The following FRMD4A variants were observed in gnomAD, a reference collection of about 807,000 sequenced individuals.
FRMD4A encodes FERM domain-containing protein 4A.
In FRMD4A, 29 loss-of-function variants were observed where a neutral mutation model predicts 129.1. That is an observed-to-expected ratio of 0.22 (90% CI 0.17 to 0.31). The LOEUF is 0.31. Ranked by LOEUF, FRMD4A falls within the 10% of genes least tolerant of loss-of-function variation. The pLI is 1.00. For missense variants in FRMD4A, 1,272 were observed against 1,375.8 expected (o/e 0.92, Z 1.19); for synonymous variants, 634 against 571.6 (o/e 1.11, Z -1.56).
At chr10:14,019,754 C>A (rs964091225) in intron 2 of FRMD4A, among the ~76,000 whole-genome samples, 13 of 152,218 alleles carry the variant, frequency 8.5e-5, no homozygotes, top group African/African-American at 3.1e-4. Flanking sequence ...AGAACGTGCC[C>A]ATGCAATGTC....
intron 6 of FRMD4A, among the ~76,000 whole-genome samples, chr10:13,771,129 C>A (rs1302702503): frequency 6.6e-6 from 1 of 152,134 alleles, no homozygotes; most frequent in Non-Finnish European, 1.5e-5. Context: ...GGCTGGAATG[C>A]CCCAGTGTCA....
At chr10:14,267,305 A>G (rs1487216755) in intron 2 of FRMD4A, among the ~76,000 whole-genome samples, 1 of 152,224 alleles carries the variant, frequency 6.6e-6, no homozygotes, top group African/African-American at 2.4e-5. Context: ...AAGAGAAGAA[A>G]TAAGGAAAAA....
chr10:14,194,627 A>G (rs551701201), intron 2 of FRMD4A, among the ~76,000 whole-genome samples: 63 of 152,230 alleles, frequency 4.1e-4, no homozygotes, highest in Non-Finnish European at 7.5e-4. Flanking sequence ...AACAACAACA[A>G]CAAAAAACCA....
intron 4 of FRMD4A, 36 bp from the exon 5 acceptor site, chr10:13,796,624 C>T: frequency 1.7e-6 from 2 of 1,170,132 alleles, no homozygotes; most frequent in East Asian, 2.3e-5. Context: ...TAGGGGTTTG[C>T]ATTTTGCAGA....
intron 15 of FRMD4A, among the ~76,000 whole-genome samples, chr10:13,689,776 T>C (rs1400822684): frequency 6.6e-6 from 1 of 151,986 alleles, no homozygotes; most frequent in East Asian, 1.9e-4. Context: ...TTGCCAAGGC[T>C]GGTCTGGAAC....
At chr10:14,001,985 C>T (rs796191529) in intron 2 of FRMD4A, among the ~76,000 whole-genome samples, 19 of 152,186 alleles carry the variant, frequency 1.2e-4, no homozygotes, top group African/African-American at 4.6e-4. Context: ...TGTTGTATTC[C>T]GAATTCTTAA....
At chr10:13,674,123 G>C (rs1027294941) in intron 16 of FRMD4A, among the ~76,000 whole-genome samples, 1 of 152,102 alleles carries the variant, frequency 6.6e-6, no homozygotes, top group Non-Finnish European at 1.5e-5. Context: ...AAATGAAAAA[G>C]CTAAACACCA....
intron 2 of FRMD4A, among the ~76,000 whole-genome samples, chr10:14,311,043 C>T (rs1361814176): frequency 6.6e-6 from 1 of 152,158 alleles, no homozygotes; most frequent in African/African-American, 2.4e-5. Context: ...TGAGAGCTTA[C>T]TAGATTGTTT....
chr10:13,921,644 C>T (rs570279428), intron 2 of FRMD4A, among the ~76,000 whole-genome samples: 28 of 152,274 alleles, frequency 1.8e-4, no homozygotes, highest in South Asian at 1.7e-3. Flanking sequence ...AAAGGCTCCA[C>T]CTCCTAATAT....
chr10:13,871,354 C>T (rs188409156), intron 2 of FRMD4A, among the ~76,000 whole-genome samples: 18 of 152,240 alleles, frequency 1.2e-4, no homozygotes, highest in Admixed American at 1.1e-3. Context: ...ACCGGACCAG[C>T]GGCCTCTGAC....
At chr10:13,951,233 G>A (rs1319999115) in intron 2 of FRMD4A, among the ~76,000 whole-genome samples, 1 of 152,148 alleles carries the variant, frequency 6.6e-6, no homozygotes, top group East Asian at 1.9e-4. Flanking sequence ...CAGGAGCAGA[G>A]GTCAAGGTTA....
intron 2 of FRMD4A, among the ~76,000 whole-genome samples, chr10:14,006,586 G>T (rs570244965): frequency 6.6e-6 from 1 of 152,078 alleles, no homozygotes; most frequent in African/African-American, 2.4e-5. Context: ...GTGTGTGCGC[G>T]TCTATAAAGG....
chr10:14,075,377 T>C (rs1405105819), intron 2 of FRMD4A, among the ~76,000 whole-genome samples: 2 of 152,180 alleles, frequency 1.3e-5, no homozygotes, highest in East Asian at 3.8e-4. Context: ...TAGAACAACA[T>C]GATGTGTGTG....
rs551105480 is a variant in FRMD4A at position 14,029,364 on chromosome 10, T to A, written c.46-170452A>T. On this transcript the variant is annotated intron_variant, in intron 2 of 24. Coordinates refer to ENST00000357447, the MANE Select transcript of FRMD4A (RefSeq NM_018027.5). The stretch of plus-strand genomic sequence containing the variant: ...CAGATCGTTCTTCTAGAGAGAGTAT[T>A]ATAGATTTCTGCAGCCCTGAAAATG... Among the ~76,000 whole-genome samples, 3 of 152,192 alleles carry A rather than the reference T, an allele frequency of 2.0e-5. No individual in the cohort carries two copies. The East Asian group carries it at 5.8e-4, about 29-fold the overall frequency.
chr10:14,208,943 C>T (rs919864020), intron 2 of FRMD4A, among the ~76,000 whole-genome samples: 1 of 152,184 alleles, frequency 6.6e-6, no homozygotes, highest in Admixed American at 6.5e-5. Flanking sequence ...ACAGGAACCT[C>T]TTGACACTCT....
intron 2 of FRMD4A, among the ~76,000 whole-genome samples, chr10:13,936,645 C>G (rs187313800): frequency 3.0e-4 from 45 of 152,266 alleles, no homozygotes; most frequent in Non-Finnish European, 6.0e-4. Flanking sequence ...AAATCTACCC[C>G]CACCTTGATC....
chr10:14,153,171 T>C (rs1332124976), intron 2 of FRMD4A, among the ~76,000 whole-genome samples: 1 of 152,182 alleles, frequency 6.6e-6, no homozygotes. Context: ...AGTGACAAGA[T>C]GGAAATCCCT....
chr10:14,267,216 T>C (rs1047189112), intron 2 of FRMD4A, among the ~76,000 whole-genome samples: 4 of 152,224 alleles, frequency 2.6e-5, no homozygotes, highest in African/African-American at 7.2e-5. Context: ...ATAAATTTCA[T>C]GTCTCTTTCA....
chr10:14,082,478 G>T (rs1245574694), intron 2 of FRMD4A, among the ~76,000 whole-genome samples: 3 of 152,108 alleles, frequency 2.0e-5, no homozygotes, highest in Admixed American at 1.3e-4. Context: ...AGACATTGAG[G>T]ATCCTGGAAA....
Sources: gnomAD v4.1 joint callset for allele counts (sites outside exome capture counted in the v4.1 genomes callset) on GRCh38, gnomAD v4.1.1 for gene constraint, MANE v1.5 for transcripts, NCBI Gene and HGNC (gene_info 2026-07-23, HGNC 2026-07-21) for gene names.